ALOX15: variants seen among roughly 807,000 people sequenced by gnomAD.
The protein encoded by ALOX15 is arachidonate 15-lipoxygenase, also known as polyunsaturated fatty acid lipoxygenase ALOX15.
In ALOX15, 68 loss-of-function variants were observed where a neutral mutation model predicts 71.7. The observed-to-expected ratio is 0.95, with a 90% CI of 0.78 to 1.16. The LOEUF (loss-of-function observed/expected upper bound fraction) is 1.16. Among genes scored for constraint, ALOX15 ranks in the 50% most tolerant of loss-of-function variants. The pLI is 0.00. For synonymous variants in ALOX15, 346 were observed against 333.3 expected, an observed-to-expected ratio of 1.04 and a Z score of -0.42; for missense variants, 798 against 818.8, an observed-to-expected ratio of 0.97 and a Z score of 0.31.
chr17:4,635,578 G>C (rs1206158410), intron 8 of ALOX15, among the ~76,000 whole-genome samples, 181 bp downstream of exon 8: 3 of 152,206 alleles, frequency 2.0e-5, no homozygotes, highest in African/African-American at 7.2e-5. Context: ...TTCCCAGGTG[G>C]GAGGTGCTAT....
rs1910905484 is a variant in ALOX15 at position 4,631,761 on chromosome 17, C to T, written c.1828G>A (p.Glu610Lys). ...TCAGGGCCCGAAAAATACTCCTCCT[C>T]ATGCTGGCCCACAGCCACCTGGGAG... Reference protein sequence around the residue: ...QPVMVAVGQHEEEYFSGPEPK... With the variant: ...QPVMVAVGQHKEEYFSGPEPK... The change falls in exon 14 of 14, where the codon GAG becomes AAG. Residue 610 changes from glutamate to lysine, a missense_variant. Coordinates refer to ENST00000293761, the MANE Select transcript of ALOX15 (RefSeq NM_001140.5). The T allele has an allele frequency of 3.1e-6, 5 of 1,613,998 alleles. No individual in the cohort carries two copies. The highest frequency in any genetic ancestry group is 3.4e-6 in the Non-Finnish European group (4 of 1,180,028).
At position 4,633,186 on chromosome 17, in the gene ALOX15, A is replaced by G. The variant is rs775387753; in HGVS notation, c.1378T>C (p.Tyr460His). Reference sequence around the variant, plus strand: ...CAGAGCCGCAGCGCATCTTGGGCATAGAAGGAAGACTTCACTCCCAGGAGC... The same window carrying G: ...CAGAGCCGCAGCGCATCTTGGGCATGGAAGGAAGACTTCACTCCCAGGAGC... ...RGLLGVKSSF[Y>H]AQDALRLWEI... Residue 460 changes from tyrosine (Y) to histidine (H), a missense_variant, in exon 10 of 14, where the codon TAT becomes CAT. Around this residue, in one of 3 missense-constraint regions of ALOX15, gnomAD observed 490 missense variants for 509.4 expected, o/e 0.96. Transcript: ENST00000293761. 11 of 1,614,028 alleles carry G rather than the reference A, an allele frequency of 6.8e-6. No homozygotes were observed. In the South Asian group the frequency reaches 1.1e-4, roughly 16 times the overall value.
chr17:4,633,212 C>G lies in ALOX15; in HGVS notation c.1352G>C (p.Gly451Ala), dbSNP rs1421451422. The G allele has an allele frequency of 6.2e-7, 1 of 1,614,070 alleles. No homozygotes were observed. Residue 451 changes from glycine to alanine, a missense_variant, in exon 10 of 14, where the codon GGG (glycine) becomes GCG (alanine). Gly to Ala is a moderately conservative substitution (Grantham distance 60). This residue lies in a region of ALOX15 where 490 missense variants were observed against 509.4 expected (regional missense o/e 0.96). Coordinates refer to ENST00000293761, the MANE Select transcript of ALOX15 (RefSeq NM_001140.5). ...GAAGGAAGACTTCACTCCCAGGAGC[C>G]CCCGGTCGGCCAAGTCATCAGGGGG... ...FCPPDDLADRGLLGVKSSFYA... is the reference protein window; with the variant it reads ...FCPPDDLADRALLGVKSSFYA...
At chr17:4,632,726 G>C (rs1422084947) in intron 11 of ALOX15, 135 bp downstream of exon 11, 1 of 1,409,980 alleles carries the variant, frequency 7.1e-7, no homozygotes. Context: ...GTGACAGGGA[G>C]TGGAATCTGA....
rs373560921 is a variant in ALOX15 at position 4,631,486 on chromosome 17, G to A, written c.*114C>T. 9.3e-5 allele frequency: 123 copies of A among 1,323,184 alleles called. No individual in the cohort carries two copies. In the African/African-American group the frequency reaches 1.3e-3, roughly 14 times the overall value. 82.0% of individuals were successfully genotyped at this position (1,323,184 alleles called of 1,614,324 possible). ...GAGACCATGAAAAGGTGCCCCTCTA[G>A]GGAGGGTGGGACATGGGAAGAGGGT... is the stretch of plus-strand genomic sequence containing the variant. On this transcript the variant is annotated 3_prime_UTR_variant, in exon 14 of 14. Coordinates refer to ENST00000293761, the MANE Select transcript of ALOX15 (RefSeq NM_001140.5).
In ALOX15 at chr17:4,632,335, C is replaced by A; in HGVS notation, c.1541-54G>T. 4 of 1,465,364 alleles carry A rather than the reference C, an allele frequency of 2.7e-6. No homozygotes were observed. In the South Asian group the frequency reaches 4.6e-5, roughly 17 times the overall value. The allele number at this position is 1,465,364 out of a possible 1,614,324, so 90.8% of individuals were successfully genotyped here. Reference sequence around the variant, plus strand: ...GCGAAGGCAGGAGTAGGGCAGCGCTCAGAGGAAGAGGCCAAGAGAGGAGAA... The same window carrying A: ...GCGAAGGCAGGAGTAGGGCAGCGCTAAGAGGAAGAGGCCAAGAGAGGAGAA... On this transcript the variant is annotated intron_variant, in intron 11 of 13. Transcript: ENST00000293761.
chr17:4,634,982 A>ATAT (rs1286542122), intron 8 of ALOX15, among the ~76,000 whole-genome samples: 3 of 150,246 alleles, frequency 2.0e-5, no homozygotes, highest in Non-Finnish European at 4.4e-5. Context: ...AATAATAATA[A>ATAT]TATTTTTCAC....
Position 4,631,762 on chromosome 17 carries a change from A to G in ALOX15, c.1827T>C (p.His609=), listed in dbSNP as rs755550649. 19 of 1,613,858 alleles carry G rather than the reference A, an allele frequency of 1.2e-5. No homozygotes were observed. Among genetic ancestry groups the G allele is most frequent in the Non-Finnish European group, 1.5e-5 (18 of 1,179,980 alleles). ...CAGGGCCCGAAAAATACTCCTCCTC[A>G]TGCTGGCCCACAGCCACCTGGGAGG... ...RQPVMVAVGQ[H]EEEYFSGPEP... is the part of the protein sequence containing the mutation. Residue 609 remains histidine (H), a synonymous_variant, in exon 14 of 14, where the codon CAT becomes CAC. Transcript: ENST00000293761.
chr17:4,640,764 G>A (rs534993585), intron 1 of ALOX15, among the ~76,000 whole-genome samples: 4 of 151,538 alleles, frequency 2.6e-5, no homozygotes, highest in South Asian at 2.1e-4. Context: ...GGGCAGGGAC[G>A]CGGGAGATGC....
chr17:4,639,127 T>G lies in ALOX15; in HGVS notation c.343A>C (p.Thr115Pro). The change falls in exon 3 of 14, where the codon ACT (threonine) becomes CCT (proline). Residue 115 changes from threonine (T) to proline (P), a missense_variant. Thr to Pro is a conservative substitution (Grantham distance 38, BLOSUM62 -1). Around this residue, in one of 3 missense-constraint regions of ALOX15, gnomAD observed 300 missense variants for 283.1 expected, o/e 1.06. Transcript: ENST00000293761. The stretch of plus-strand genomic sequence containing the variant: ...AGGCCCTGAGGGTCCTCGCCCACAG[T>G]GCGGCCTAGAAGGACAGAGGAGGAC... ...VLSLPEGTGR[T>P]VGEDPQGLFQ... The G allele has an allele frequency of 6.2e-7, 1 of 1,614,184 alleles. No homozygotes were observed. The highest frequency in any genetic ancestry group is 1.1e-5 in the South Asian group (1 of 91,086).
intron 1 of ALOX15, among the ~76,000 whole-genome samples, chr17:4,640,733 G>A (rs1405670847): frequency 2.3e-4 from 35 of 151,538 alleles, no homozygotes; most frequent in South Asian, 1.1e-3. Flanking sequence ...GACGCGGGCG[G>A]TCGGGGGCGG....
At chr17:4,634,689 T>C (rs1043767879) in intron 8 of ALOX15, among the ~76,000 whole-genome samples, 1 of 152,066 alleles carries the variant, frequency 6.6e-6, no homozygotes, top group African/African-American at 2.4e-5. Flanking sequence ...TATAAAGTAA[T>C]AAGATTTGGC....
At chr17:4,640,252 G>A (rs1911271275) in intron 1 of ALOX15, among the ~76,000 whole-genome samples, 3 of 129,910 alleles carry the variant, frequency 2.3e-5, no homozygotes, top group South Asian at 6.1e-4. Context: ...ACAAGCGGGA[G>A]CCGTTCGAAT....
chr17:4,639,589 G>T lies in ALOX15; in HGVS notation c.178C>A (p.Leu60Met). 1 of 1,614,036 alleles carries T rather than the reference G, an allele frequency of 6.2e-7. No individual in the cohort carries two copies. The highest frequency in any genetic ancestry group is 1.1e-5 in the South Asian group (1 of 91,078). ...CGTTTGCGCAGTTTCACAAACAGCAGCGGCCCCAGATACTCCGGTACTTCC... is the reference window on the plus strand; with the variant it reads ...CGTTTGCGCAGTTTCACAAACAGCATCGGCCCCAGATACTCCGGTACTTCC... ...KVEVPEYLGP[L>M]LFVKLRKRHL... is the part of the protein sequence containing the mutation. Residue 60 changes from leucine to methionine, a missense_variant, in exon 2 of 14, where the codon CTG becomes ATG. By Grantham distance (15) the Leu-to-Met change is conservative (BLOSUM62 2). Coordinates refer to ENST00000293761, the MANE Select transcript of ALOX15 (RefSeq NM_001140.5).
At position 4,633,292 on chromosome 17, in the gene ALOX15, G is replaced by C. The variant is rs1456758576; in HGVS notation, c.1272C>G (p.Gly424=). 1 of 1,613,862 alleles carries C rather than the reference G, an allele frequency of 6.2e-7. No homozygotes were observed. The highest frequency in any genetic ancestry group is 1.7e-5 in the Admixed American group (1 of 59,980). The change falls in exon 10 of 14, where the codon GGC becomes GGG. Residue 424 remains glycine, a synonymous_variant. Transcript: ENST00000293761. ...CAGCTTGCTTGAGCAGCTGCACGTG[G>C]CCTCCCCCACCAGTGCTCATTATCT... ...FDQIMSTGGG[G]HVQLLKQAGA...
Position 4,638,381 on chromosome 17 carries a change from G to C in ALOX15, c.647-4C>G. 1.1e-6 allele frequency: 1 copy of C among 917,918 alleles called. No homozygotes were observed. The highest frequency in any genetic ancestry group is 2.6e-5 in the East Asian group (1 of 38,506). The allele number at this position is 917,918 out of a possible 1,614,324, so 56.9% of individuals were successfully genotyped here. On this transcript the variant is annotated splice_region_variant and splice_polypyrimidine_tract_variant and intron_variant, in intron 5 of 13. Transcript: ENST00000293761. ...TTCCAGGAGTCCCGCACGCGCTCTG[G>C]GGAAGGCAGTTGTTGAGCAAGTTGT...
intron 11 of ALOX15, 61 bp downstream of exon 11, chr17:4,632,800 G>A (rs1910958844): frequency 6.2e-7 from 1 of 1,609,616 alleles, no homozygotes; most frequent in African/African-American, 1.3e-5. Context: ...GAAGCACAGG[G>A]GATTCTGGGA....
intron 4 of ALOX15, 60 bp downstream of exon 4, chr17:4,638,790 C>T: frequency 2.5e-6 from 4 of 1,613,164 alleles, no homozygotes; most frequent in Non-Finnish European, 3.4e-6. Context: ...AGCCCATAAG[C>T]CCCTTGGCTT....
At chr17:4,639,772 G>A (rs1487799886) in intron 1 of ALOX15, 141 bp from the exon 2 acceptor site, 1 of 767,780 alleles carries the variant, frequency 1.3e-6, no homozygotes, top group East Asian at 2.8e-5. Flanking sequence ...GACTGAGCCA[G>A]AGAGAGAGGG....
Sources: allele counts gnomAD v4.1 joint callset (sites outside exome capture counted in the v4.1 genomes callset), GRCh38; gene constraint gnomAD v4.1.1; regional missense constraint gnomAD v4.1.1; transcripts MANE v1.5; gene names NCBI Gene and HGNC (gene_info 2026-07-23, HGNC 2026-07-21).